Variants in BLNK observed in about 807,000 individuals in gnomAD.
BLNK encodes B cell linker.
BLNK carries 29 observed loss-of-function variants against 73.5 expected under a neutral mutation model. The ratio of observed to expected loss-of-function variants is 0.39; its 90% CI spans 0.29 to 0.54. BLNK has a LOEUF of 0.54. BLNK is among the 20% of genes least tolerant of loss of function. The pLI is 0.61. For synonymous variants in BLNK, 176 were observed against 200.8 expected (o/e 0.88, Z 1.04); for missense variants, 460 against 562.8 (o/e 0.82, Z 1.85).
At chr10:96,196,361 G>C (rs1181571621) in intron 16 of BLNK, among the ~76,000 whole-genome samples, 1 of 152,116 alleles carries the variant, frequency 6.6e-6, no homozygotes, top group Non-Finnish European at 1.5e-5. Flanking sequence ...CACTGAGTTT[G>C]GTCCAGATTA....
chr10:96,271,518 T>G lies in BLNK; in HGVS notation c.-120A>C. 1 of 1,070,710 alleles carries G rather than the reference T, an allele frequency of 9.3e-7. No homozygotes were observed. Among genetic ancestry groups the G allele is most frequent in the Non-Finnish European group, 1.4e-6 (1 of 693,126 alleles). The allele number at this position is 1,070,710 out of a possible 1,614,324, so 66.3% of individuals were successfully genotyped here. On this transcript the variant is annotated 5_prime_UTR_variant, in exon 1 of 17. Coordinates refer to ENST00000224337, the MANE Select transcript of BLNK (RefSeq NM_013314.4). ...CTCAAGGGTTCCGGCCACTCAAGTC[T>G]GATTTCTGAGAGTGCAGGCTGCTGG...
At position 96,262,285 on chromosome 10, in the gene BLNK, A is replaced by G. The variant is rs11188689; in HGVS notation, c.47+9067T>C. Among the ~76,000 whole-genome samples, 281 of 152,324 alleles carry G rather than the reference A, an allele frequency of 1.8e-3. 1 individual carries two copies. The highest frequency in any genetic ancestry group is 3.3e-3 in the Admixed American group (50 of 15,294). ...AACCAGAACATTGAGACACTGCCAT[A>G]TCCCAAGTAGATGCCTCTCTAACAA... is the stretch of plus-strand genomic sequence containing the variant. On this transcript the variant is annotated intron_variant, in intron 1 of 16. Coordinates refer to ENST00000224337, the MANE Select transcript of BLNK (RefSeq NM_013314.4).
intron 1 of BLNK, among the ~76,000 whole-genome samples, chr10:96,259,569 CCCTTACACACA>C (rs1554912135): frequency 6.6e-6 from 1 of 151,232 alleles, no homozygotes; most frequent in Non-Finnish European, 1.5e-5. Flanking sequence ...GGGCTGTGTT[CCCTTACACACA>C]AGCATCTTGC....
Position 96,230,780 on chromosome 10 carries a change from G to A in BLNK, c.204+14C>T, listed in dbSNP as rs782706462. 61 of 1,606,838 alleles carry A rather than the reference G, an allele frequency of 3.8e-5. No homozygotes were observed. The highest frequency in any genetic ancestry group is 4.8e-5 in the Non-Finnish European group (57 of 1,176,954). On this transcript the variant is annotated intron_variant, in intron 4 of 16. Coordinates refer to ENST00000224337, the MANE Select transcript of BLNK (RefSeq NM_013314.4). ...GACCCTGATGCCCTCCTGGTCCCAG[G>A]AGCAAATACTTACAAAGTCATCGGA...
At chr10:96,252,045 T>A (rs1459546805) in intron 1 of BLNK, among the ~76,000 whole-genome samples, 1 of 151,876 alleles carries the variant, frequency 6.6e-6, no homozygotes, top group Non-Finnish European at 1.5e-5. Context: ...TTTATGTTTT[T>A]ATTTTTATTA....
chr10:96,212,555 G>A (rs1235318247), intron 8 of BLNK, among the ~76,000 whole-genome samples: 2 of 152,166 alleles, frequency 1.3e-5, no homozygotes, highest in African/African-American at 2.4e-5. Flanking sequence ...CTTTGGAGTC[G>A]GCTAAATCCA....
intron 8 of BLNK, 70 bp from the exon 9 acceptor site, chr10:96,209,977 C>T: frequency 6.5e-7 from 1 of 1,527,566 alleles, no homozygotes; most frequent in Non-Finnish European, 9.1e-7. Context: ...CTGAGGCTGG[C>T]CTCTCTGGCA....
intron 10 of BLNK, 118 bp downstream of exon 10, chr10:96,207,754 T>G (rs587680831): frequency 3.6e-5 from 46 of 1,269,240 alleles, no homozygotes; most frequent in Non-Finnish European, 5.1e-5. Context: ...GGGCAGCAAC[T>G]TCAGTTGCTA....
rs1311421051 is a variant in BLNK, at chr10:96,255,733, A to C, written c.48-8684T>G. On this transcript the variant is annotated intron_variant, in intron 1 of 16. Coordinates refer to ENST00000224337, the MANE Select transcript of BLNK (RefSeq NM_013314.4). ...GGCTGGTCCTCCTCTCTGAGCCAAGATCTAAGCCTACACTTTCCCCTTTAC... is the reference window on the plus strand; with the variant it reads ...GGCTGGTCCTCCTCTCTGAGCCAAGCTCTAAGCCTACACTTTCCCCTTTAC... Among the ~76,000 whole-genome samples the C allele has an allele frequency of 2.0e-5, 3 of 152,160 alleles. No individual in the cohort carries two copies. The East Asian group carries it at 5.8e-4, about 29-fold the overall frequency.
chr10:96,209,930 C>G (rs1232089841), intron 8 of BLNK, 23 bp from the exon 9 acceptor site: 1 of 1,614,058 alleles, frequency 6.2e-7, no homozygotes, highest in Admixed American at 1.7e-5. Context: ...ATACACTACT[C>G]AGTCCCCAAG....
intron 1 of BLNK, among the ~76,000 whole-genome samples, chr10:96,261,556 G>T (rs1843756871): frequency 6.6e-6 from 1 of 152,276 alleles, no homozygotes; most frequent in East Asian, 1.9e-4. Context: ...TCTAAGATCG[G>T]TTTGGCAACT....
intron 1 of BLNK, among the ~76,000 whole-genome samples, chr10:96,267,861 C>T (rs1409996976): frequency 6.6e-6 from 1 of 152,190 alleles, no homozygotes; most frequent in Non-Finnish European, 1.5e-5. Flanking sequence ...AGAATAACAA[C>T]AGTAATGATA....
At chr10:96,192,949 T>A (rs922670391) in intron 16 of BLNK, among the ~76,000 whole-genome samples, 3 of 152,184 alleles carry the variant, frequency 2.0e-5, no homozygotes, top group Admixed American at 2.0e-4. Flanking sequence ...ATTTTCTCGA[T>A]TTTTTAGATA....
chr10:96,265,119 C>CT (rs146525311), intron 1 of BLNK, among the ~76,000 whole-genome samples: 2 of 136,958 alleles, frequency 1.5e-5, no homozygotes, highest in African/African-American at 5.4e-5. Context: ...CCACACCAGA[C>CT]TTATTTATTT....
chr10:96,239,279 G>A (rs1401057121), intron 3 of BLNK: 7 of 397,324 alleles, frequency 1.8e-5, no homozygotes, highest in African/African-American at 1.0e-4. Context: ...GAGCCCCAGA[G>A]ATCTGTGTTT....
At chr10:96,211,945 G>A (rs1393912490) in intron 8 of BLNK, among the ~76,000 whole-genome samples, 2 of 152,086 alleles carry the variant, frequency 1.3e-5, no homozygotes, top group Non-Finnish European at 2.9e-5. Flanking sequence ...GTAGAAAGAA[G>A]GTCTAAGTCT....
At chr10:96,202,597 G>A (rs2083673921) in intron 13 of BLNK, among the ~76,000 whole-genome samples, 6 of 152,142 alleles carry the variant, frequency 3.9e-5, no homozygotes, top group Admixed American at 3.9e-4. Flanking sequence ...AGAGAAGGCA[G>A]CCACCATTGT....
Position 96,247,053 on chromosome 10 carries a change from TAA to T in BLNK, c.48-6_48-5del. 2 of 1,594,686 alleles carry T rather than the reference TAA, an allele frequency of 1.3e-6. No individual in the cohort carries two copies. Among genetic ancestry groups the T allele is most frequent in the Non-Finnish European group, 1.7e-6 (2 of 1,169,594 alleles). On this transcript the variant is annotated splice_polypyrimidine_tract_variant and splice_region_variant and intron_variant, in intron 1 of 16. Transcript: ENST00000224337. Reference sequence around the variant, plus strand: ...ATGGACCATCTTTTGAAGCTGCCTGTAAAAAACAAAATTAAACATAAGATATT... The same window carrying T: ...ATGGACCATCTTTTGAAGCTGCCTGTAAAACAAAATTAAACATAAGATATT...
intron 3 of BLNK, among the ~76,000 whole-genome samples, chr10:96,239,896 G>A (rs1216919971): frequency 6.6e-6 from 1 of 152,144 alleles, no homozygotes; most frequent in African/African-American, 2.4e-5. Flanking sequence ...AATCAGATAT[G>A]TCAGTCCACT....
Sources: gnomAD v4.1 joint callset for allele counts (sites outside exome capture counted in the v4.1 genomes callset) on GRCh38, gnomAD v4.1.1 for gene constraint, MANE v1.5 for transcripts, NCBI Gene and HGNC (gene_info 2026-07-23, HGNC 2026-07-21) for gene names.